The following SUGCT variants were observed in gnomAD, a reference collection of about 807,000 sequenced individuals.
The protein encoded by SUGCT is succinyl-CoA:glutarate CoA-transferase.
SUGCT carries 41 observed loss-of-function variants against 55.0 expected under a neutral mutation model. The ratio of observed to expected loss-of-function variants is 0.74; its 90% CI spans 0.58 to 0.97. SUGCT has a LOEUF of 0.97. Ranked by LOEUF, SUGCT falls within the 50% of genes least tolerant of loss-of-function variation. SUGCT has a pLI of 0.00. For missense variants in SUGCT, 568 were observed against 547.8 expected (o/e 1.04, Z -0.37); for synonymous variants, 187 against 200.4 (o/e 0.93, Z 0.56).
chr7:40,886,364 A>G, the SUGCT span, among the ~76,000 whole-genome samples: 1 of 152,136 alleles, frequency 6.6e-6, no homozygotes, highest in Non-Finnish European at 1.5e-5. Context: ...AAGCACCATC[A>G]CTTGGAGCTC....
intron 8 of SUGCT, among the ~76,000 whole-genome samples, chr7:40,278,043 G>A (rs970590813): frequency 2.0e-5 from 3 of 152,064 alleles, no homozygotes; most frequent in African/African-American, 4.8e-5. Flanking sequence ...GCTGCATAGT[G>A]TTCCATGGTG....
At chr7:40,806,860 A>T (rs2128753931) in intron 13 of SUGCT, among the ~76,000 whole-genome samples, 1 of 152,300 alleles carries the variant, frequency 6.6e-6, no homozygotes, top group South Asian at 2.1e-4. Context: ...GGATGAGGGA[A>T]TCTGTATCTC....
chr7:40,176,423 GTAGTATAATTTATAATTTA>G (rs1482593474), intron 1 of SUGCT, among the ~76,000 whole-genome samples: 1 of 152,086 alleles, frequency 6.6e-6, no homozygotes, highest in Non-Finnish European at 1.5e-5. Context: ...GTTCACAAAT[GTAGTATAATTTATAATTTA>G]TCTTTTAATT....
intron 9 of SUGCT, among the ~76,000 whole-genome samples, chr7:40,443,567 G>T (rs1175013401): frequency 2.6e-5 from 4 of 151,924 alleles, no homozygotes; most frequent in South Asian, 4.1e-4. Flanking sequence ...TTTTGATGGG[G>T]TGTTTGATTT....
chr7:40,309,351 A>G (rs772605593), intron 8 of SUGCT, among the ~76,000 whole-genome samples: 12 of 151,682 alleles, frequency 7.9e-5, no homozygotes, highest in Non-Finnish European at 1.5e-4. Context: ...TGCCCAGGCT[A>G]TAGTGCAATG....
At chr7:41,028,901 T>C in the SUGCT span, among the ~76,000 whole-genome samples, 2 of 152,312 alleles carry the variant, frequency 1.3e-5, no homozygotes, top group East Asian at 3.9e-4. Context: ...CCTCATGGGC[T>C]TGTTGAAGTG....
intron 7 of SUGCT, among the ~76,000 whole-genome samples, chr7:40,248,396 T>A (rs1314268235): frequency 6.6e-6 from 1 of 152,138 alleles, no homozygotes; most frequent in Non-Finnish European, 1.5e-5. Flanking sequence ...CTGGAGATTA[T>A]CCTATATCAA....
chr7:40,226,557 A>G (rs1788370007), intron 6 of SUGCT, among the ~76,000 whole-genome samples: 2 of 152,272 alleles, frequency 1.3e-5, no homozygotes, highest in South Asian at 4.1e-4. Flanking sequence ...AAAAGTGGCT[A>G]AGAAGAATCT....
At chr7:40,985,572 G>A in the SUGCT span, among the ~76,000 whole-genome samples, 2 of 152,144 alleles carry the variant, frequency 1.3e-5, no homozygotes, top group Admixed American at 6.6e-5. Flanking sequence ...GGAGAAGTGT[G>A]TTTGAAGGCT....
intron 9 of SUGCT, among the ~76,000 whole-genome samples, chr7:40,409,942 A>G (rs945170845): frequency 1.1e-4 from 16 of 152,154 alleles, no homozygotes; most frequent in African/African-American, 3.9e-4. Context: ...AACCCTCATA[A>G]TAGCAAGTTT....
chr7:40,200,186 C>G (rs1786512234), intron 6 of SUGCT, among the ~76,000 whole-genome samples: 1 of 152,306 alleles, frequency 6.6e-6, no homozygotes, highest in African/African-American at 2.4e-5. Flanking sequence ...CCCCAAACAA[C>G]TATTTCTTGA....
intron 3 of SUGCT, among the ~76,000 whole-genome samples, chr7:40,185,518 A>G (rs1225025789): frequency 6.6e-6 from 1 of 151,338 alleles, no homozygotes; most frequent in Non-Finnish European, 1.5e-5. Context: ...CCTAGCAGGG[A>G]TTTATTGTCT....
the SUGCT span, among the ~76,000 whole-genome samples, chr7:40,878,864 G>T: frequency 6.6e-6 from 1 of 151,614 alleles, no homozygotes; most frequent in Admixed American, 6.6e-5. Context: ...CGCAATATTG[G>T]CTCACTGCAA....
At chr7:40,406,586 A>G (rs1445198005) in intron 9 of SUGCT, among the ~76,000 whole-genome samples, 1 of 152,236 alleles carries the variant, frequency 6.6e-6, no homozygotes, top group East Asian at 1.9e-4. Flanking sequence ...TCTCACTGTC[A>G]TAATTTTTTC....
chr7:40,714,929 C>T (rs1423807124), intron 12 of SUGCT, among the ~76,000 whole-genome samples: 1 of 152,096 alleles, frequency 6.6e-6, no homozygotes, highest in African/African-American at 2.4e-5. Flanking sequence ...CACTTCTGAC[C>T]CTGTTTAAAT....
chr7:40,444,467 T>C (rs1788699205), intron 9 of SUGCT, among the ~76,000 whole-genome samples: 1 of 152,196 alleles, frequency 6.6e-6, no homozygotes, highest in Non-Finnish European at 1.5e-5. Context: ...TCCTAGGCAT[T>C]TTATTCTCTT....
chr7:40,949,957 A>G, the SUGCT span, among the ~76,000 whole-genome samples: 6 of 152,188 alleles, frequency 3.9e-5, no homozygotes, highest in Non-Finnish European at 5.9e-5. Flanking sequence ...TTGGTACCAT[A>G]TGAACTTTAA....
chr7:40,145,539 C>T (rs183942496), intron 1 of SUGCT, among the ~76,000 whole-genome samples: 108 of 151,050 alleles, frequency 7.1e-4, no homozygotes, highest in African/African-American at 2.2e-3. Context: ...AGATAATAAC[C>T]GTTCTTTTCC....
chr7:40,247,719 G>T (rs1790000188), intron 7 of SUGCT, among the ~76,000 whole-genome samples: 1 of 152,112 alleles, frequency 6.6e-6, no homozygotes, highest in African/African-American at 2.4e-5. Flanking sequence ...TTTTATTGGA[G>T]TGTTAGTCTT....
Sources: allele counts gnomAD v4.1 joint callset (sites outside exome capture counted in the v4.1 genomes callset), GRCh38; gene constraint gnomAD v4.1.1; transcripts MANE v1.5; gene names NCBI Gene and HGNC (gene_info 2026-07-23, HGNC 2026-07-21).